The following COBLL1 variants were observed in gnomAD, a reference collection of about 807,000 sequenced individuals.
COBLL1 encodes cordon-bleu WH2 repeat protein like 1.
Under a neutral mutation model 94.8 loss-of-function variants are expected in COBLL1, and 50 were observed. The ratio of observed to expected loss-of-function variants is 0.53; its 90% CI spans 0.42 to 0.67. The LOEUF (loss-of-function observed/expected upper bound fraction) is 0.67, where lower values mean the gene tolerates loss of function less well. Ranked by LOEUF, COBLL1 falls within the 30% of genes least tolerant of loss-of-function variation. COBLL1 has a pLI of 0.00. For synonymous variants in COBLL1, 448 were observed against 473.8 expected (o/e 0.95, Z 0.71); for missense variants, 1,362 against 1,348.7 (o/e 1.01, Z -0.15).
chr2:164,828,258 T>C (rs1415729348), intron 2 of COBLL1, among the ~76,000 whole-genome samples: 5 of 152,148 alleles, frequency 3.3e-5, no homozygotes, highest in Non-Finnish European at 7.4e-5. Context: ...TGTTTCTAGG[T>C]ATATGTGGAA....
At chr2:164,761,067 T>C (rs560424565) in intron 2 of COBLL1, among the ~76,000 whole-genome samples, 1 of 152,212 alleles carries the variant, frequency 6.6e-6, no homozygotes, top group Non-Finnish European at 1.5e-5. Context: ...CAAGAAGCTG[T>C]CACAGATACA....
In COBLL1 at chr2:164,822,027, A is replaced by G. The variant is rs148801154; in HGVS notation, c.41+19129T>C. Among the ~76,000 whole-genome samples, 13 of 152,334 alleles carry G rather than the reference A, an allele frequency of 8.5e-5. No individual in the cohort carries two copies. The East Asian group carries it at 2.5e-3, about 29-fold the overall frequency. Reference sequence around the variant, plus strand: ...GGTCCATAAGGTTTATTACTTTGTCAATATTTCATGGCTTTACATATAAAT... The same window carrying G: ...GGTCCATAAGGTTTATTACTTTGTCGATATTTCATGGCTTTACATATAAAT... On this transcript the variant is annotated intron_variant, in intron 2 of 13. Transcript: ENST00000652658.
chr2:164,823,733 A>G (rs1685296737), intron 2 of COBLL1, among the ~76,000 whole-genome samples: 1 of 152,192 alleles, frequency 6.6e-6, no homozygotes, highest in African/African-American at 2.4e-5. Flanking sequence ...GGGATCTTAT[A>G]CATCTTATAC....
At chr2:164,751,763 A>G (rs1687137292) in intron 2 of COBLL1, among the ~76,000 whole-genome samples, 1 of 152,126 alleles carries the variant, frequency 6.6e-6, no homozygotes, top group Non-Finnish European at 1.5e-5. Flanking sequence ...CACATGGATA[A>G]AAGATCTCAA....
Position 164,694,344 on chromosome 2 carries a change from T to C in COBLL1, c.3048A>G (p.Pro1016=). ...SPSASALVQP[P]ANTEEGKTHS... ...GAGTCTTCCCTTCCTCTGTGTTGGC[T>C]GGAGGTTGGACCAATGCACTGGCAC... is the stretch of plus-strand genomic sequence containing the variant. The change falls in exon 12 of 14, where the codon CCA becomes CCG. Residue 1016 remains proline, a synonymous_variant. Transcript: ENST00000652658. 6.2e-7 allele frequency: 1 copy of C among 1,614,014 alleles called. No individual in the cohort carries two copies. Among genetic ancestry groups the C allele is most frequent in the Non-Finnish European group, 8.5e-7 (1 of 1,179,906 alleles).
chr2:164,675,377 C>A (rs1372825231), downstream of COBLL1, among the ~76,000 whole-genome samples: 3 of 152,160 alleles, frequency 2.0e-5, no homozygotes, highest in Non-Finnish European at 4.4e-5. Flanking sequence ...AGATATCTCT[C>A]AACACACTTG....
chr2:164,696,055 G>A, intron 11 of COBLL1: 1 of 454,758 alleles, frequency 2.2e-6, no homozygotes, highest in South Asian at 3.7e-5. Context: ...AACTAGTGTG[G>A]CCACAACATG....
In COBLL1 at chr2:164,741,827, T is replaced by C. The variant is rs1031661940; in HGVS notation, c.230+1860A>G. ...CTATCAGGTATGAAGAAAAAATACA[T>C]ATGAAGAAAATTTAGACATGAAGAA... On this transcript the variant is annotated intron_variant, in intron 3 of 13. Coordinates refer to ENST00000652658, the MANE Select transcript of COBLL1 (RefSeq NM_001365672.2). Among the ~76,000 whole-genome samples, 4 of 152,070 alleles carry C rather than the reference T, an allele frequency of 2.6e-5. No individual in the cohort carries two copies. The East Asian group carries it at 7.7e-4, about 29-fold the overall frequency.
At chr2:164,687,213 C>CTTTTTTTTTTTTTTTTTTTT (rs879090827) in intron 13 of COBLL1, 14 of 317,716 alleles carry the variant, frequency 4.4e-5, no homozygotes, top group African/African-American at 3.1e-4. Context: ...GACTTTCTTT[C>CTTTTTTTTTTTTTTTTTTTT]TTTTTTTTTT....
intron 2 of COBLL1, among the ~76,000 whole-genome samples, chr2:164,817,106 T>C (rs1182687649): frequency 1.3e-5 from 2 of 152,130 alleles, no homozygotes; most frequent in Non-Finnish European, 2.9e-5. Context: ...CTGTAGAATC[T>C]GGAACATGAA....
At chr2:164,741,652 A>C (rs572004559) in intron 3 of COBLL1, among the ~76,000 whole-genome samples, 1 of 152,174 alleles carries the variant, frequency 6.6e-6, no homozygotes, top group Non-Finnish European at 1.5e-5. Context: ...GCAGCAATTC[A>C]ACAACAGTTG....
At chr2:164,714,039 A>T (rs1050749228) in intron 7 of COBLL1, among the ~76,000 whole-genome samples, 1 of 152,058 alleles carries the variant, frequency 6.6e-6, no homozygotes, top group East Asian at 1.9e-4. Flanking sequence ...GAAGGAAAAA[A>T]AATGACAACG....
intron 2 of COBLL1, among the ~76,000 whole-genome samples, chr2:164,805,325 C>CTATA (rs1185358869): frequency 2.9e-3 from 91 of 31,472 alleles, no homozygotes; most frequent in Admixed American, 5.1e-3. Context: ...CTCTCTCTCT[C>CTATA]TCTCTCTCTC....
chr2:164,836,553 C>A lies in COBLL1; in HGVS notation c.41+4603G>T, dbSNP rs905964905. ...TCTTCCATTCCTTAGAGTTGTATGA[C>A]CTTCAATGTGTTAATTAAGCTCTCT... On this transcript the variant is annotated intron_variant, in intron 2 of 13. Transcript: ENST00000652658. Among the ~76,000 whole-genome samples, 14 of 152,246 alleles carry A rather than the reference C, an allele frequency of 9.2e-5. No homozygotes were observed. The East Asian group carries it at 2.1e-3, about 23-fold the overall frequency.
chr2:164,819,981 A>T (rs557024959), intron 2 of COBLL1, among the ~76,000 whole-genome samples: 1 of 139,310 alleles, frequency 7.2e-6, no homozygotes, highest in South Asian at 2.3e-4. Context: ...ATCTGCCACC[A>T]TACCTGGCTT....
At chr2:164,697,500 C>T (rs373351076) in intron 11 of COBLL1, 2 of 152,180 alleles carry the variant, frequency 1.3e-5, no homozygotes, top group East Asian at 3.9e-4. Flanking sequence ...ATTTAAGAAA[C>T]AATCTCTGGC....
At chr2:164,839,054 A>T (rs559366803) in intron 2 of COBLL1, among the ~76,000 whole-genome samples, 6 of 152,232 alleles carry the variant, frequency 3.9e-5, no homozygotes, top group Non-Finnish European at 7.3e-5. Context: ...GTGAAATAAG[A>T]CAAATGAAGT....
At chr2:164,672,916 C>G (rs1691269425) in intron 1 of COBLL1, among the ~76,000 whole-genome samples, 1 of 151,990 alleles carries the variant, frequency 6.6e-6, no homozygotes, top group African/African-American at 2.4e-5. Context: ...GGCCCATAAC[C>G]CAGATTTCTG....
chr2:164,795,364 T>C (rs889708798), intron 2 of COBLL1, among the ~76,000 whole-genome samples: 4 of 152,170 alleles, frequency 2.6e-5, no homozygotes, highest in Non-Finnish European at 5.9e-5. Flanking sequence ...AATATGGAGT[T>C]CCCTCAAAGT....
Sources: allele counts gnomAD v4.1 joint callset (sites outside exome capture counted in the v4.1 genomes callset), GRCh38; gene constraint gnomAD v4.1.1; transcripts MANE v1.5; gene names NCBI Gene and HGNC (gene_info 2026-07-23, HGNC 2026-07-21).